GALNTL6: variants seen among roughly 807,000 people sequenced by gnomAD.
The protein encoded by GALNTL6 is polypeptide N-acetylgalactosaminyltransferase-like 6.
In GALNTL6, 46 loss-of-function variants were observed where a neutral mutation model predicts 73.7. That is an observed-to-expected ratio of 0.62 (90% CI 0.49 to 0.80). The LOEUF is 0.80. Among genes scored for constraint, GALNTL6 ranks in the 30% least tolerant of loss-of-function variants. The probability of loss-of-function intolerance (pLI) is 0.00; values close to 1 mark genes in which losing one functional copy is unlikely to be tolerated. For synonymous variants in GALNTL6, 259 were observed against 263.7 expected, an observed-to-expected ratio of 0.98 and a Z score of 0.17; for missense variants, 604 against 755.0, an observed-to-expected ratio of 0.80 and a Z score of 2.34.
chr4:171,822,547 G>A (rs1454676399), intron 2 of GALNTL6, among the ~76,000 whole-genome samples: 3 of 152,110 alleles, frequency 2.0e-5, no homozygotes, highest in African/African-American at 7.2e-5. Context: ...TTTACAAATA[G>A]CAATCTATAC....
intron 5 of GALNTL6, among the ~76,000 whole-genome samples, chr4:172,408,275 A>G (rs1433879088): frequency 2.0e-5 from 3 of 152,006 alleles, no homozygotes; most frequent in Admixed American, 6.6e-5. Flanking sequence ...TGAATTTTCT[A>G]TCTCAAATAG....
At chr4:172,249,320 G>T (rs939438578) in intron 3 of GALNTL6, among the ~76,000 whole-genome samples, 3 of 152,146 alleles carry the variant, frequency 2.0e-5, no homozygotes, top group Non-Finnish European at 2.9e-5. Flanking sequence ...ATGATTTAGG[G>T]TATCTGGCAG....
chr4:172,349,846 T>TA (rs66675725), intron 5 of GALNTL6, among the ~76,000 whole-genome samples: 63,773 of 120,272 alleles, frequency 0.53, 15,412 homozygotes, highest in South Asian at 0.7. Flanking sequence ...TATATATATA[T>TA]TTTTTTTAAA....
chr4:172,216,165 T>C (rs1736490735), intron 2 of GALNTL6, among the ~76,000 whole-genome samples: 1 of 152,194 alleles, frequency 6.6e-6, no homozygotes, highest in African/African-American at 2.4e-5. Context: ...TTTTGAAATA[T>C]ACTATATCAT....
chr4:172,794,074 A>G (rs941701242), intron 5 of GALNTL6, among the ~76,000 whole-genome samples: 1 of 152,152 alleles, frequency 6.6e-6, no homozygotes, highest in Non-Finnish European at 1.5e-5. Context: ...ATCCTGCATC[A>G]TTGTTTTTCA....
chr4:172,378,522 A>G (rs981111264), intron 5 of GALNTL6, among the ~76,000 whole-genome samples: 2 of 152,190 alleles, frequency 1.3e-5, no homozygotes, highest in Admixed American at 6.5e-5. Context: ...TTATTGAAAT[A>G]CCAGTGATTT....
intron 2 of GALNTL6, among the ~76,000 whole-genome samples, chr4:171,942,269 T>TAAATAAATAAATAA (rs1423565851): frequency 0.41 from 58,968 of 143,880 alleles, 14,066 homozygotes; most frequent in Admixed American, 0.51. Flanking sequence ...TAAATAAATA[T>TAAATAAATAAATAA]AATATACAGA....
At chr4:172,282,838 A>C (rs1739110728) in intron 3 of GALNTL6, among the ~76,000 whole-genome samples, 1 of 151,464 alleles carries the variant, frequency 6.6e-6, no homozygotes. Flanking sequence ...TTTGTAAGAC[A>C]AAGAAACAAA....
At chr4:172,410,955 G>A (rs892034593) in intron 5 of GALNTL6, among the ~76,000 whole-genome samples, 2 of 152,102 alleles carry the variant, frequency 1.3e-5, no homozygotes, top group Non-Finnish European at 2.9e-5. Context: ...ATAAATGCAA[G>A]AGTAGCTTTT....
At chr4:172,320,546 T>C (rs1330704843) in intron 4 of GALNTL6, among the ~76,000 whole-genome samples, 1 of 152,160 alleles carries the variant, frequency 6.6e-6, no homozygotes, top group Non-Finnish European at 1.5e-5. Context: ...TTTAGGAAGA[T>C]ACAGCCTAGA....
intron 2 of GALNTL6, among the ~76,000 whole-genome samples, chr4:172,134,157 G>A (rs10030547): frequency 0.44 from 66,514 of 151,786 alleles, 15,149 homozygotes; most frequent in African/African-American, 0.54. Flanking sequence ...GCCGAGGCGG[G>A]CAGATCACGA....
intron 2 of GALNTL6, among the ~76,000 whole-genome samples, chr4:171,846,531 C>A (rs1735375850): frequency 6.6e-6 from 1 of 151,956 alleles, no homozygotes; most frequent in African/African-American, 2.4e-5. Context: ...GGAGTGGCCT[C>A]AGTTAAGTCA....
intron 8 of GALNTL6, among the ~76,000 whole-genome samples, chr4:172,884,954 G>T (rs1025679263): frequency 1.3e-5 from 2 of 151,972 alleles, no homozygotes; most frequent in East Asian, 1.9e-4. Context: ...TTTACTTCTG[G>T]GTTCTCTATT....
chr4:172,457,272 A>T (rs1732432739), intron 5 of GALNTL6, among the ~76,000 whole-genome samples: 1 of 152,178 alleles, frequency 6.6e-6, no homozygotes, highest in Admixed American at 6.5e-5. Context: ...CAAATTGTAA[A>T]GACCATTGAC....
intron 3 of GALNTL6, among the ~76,000 whole-genome samples, chr4:172,308,329 G>T (rs1400184882): frequency 1.3e-5 from 2 of 151,706 alleles, no homozygotes; most frequent in Non-Finnish European, 2.9e-5. Flanking sequence ...TCTTTCTGTT[G>T]TCTGATTGTC....
Position 171,871,337 on chromosome 4 carries a change from A to C in GALNTL6, c.138+56619A>C, listed in dbSNP as rs574849370. On this transcript the variant is annotated intron_variant, in intron 2 of 12. Transcript: ENST00000506823. Reference sequence around the variant, plus strand: ...CAATTAAAACAGTATACTATTATAAAAGTTATGTGAATGTGATCTCAGATA... The same window carrying C: ...CAATTAAAACAGTATACTATTATAACAGTTATGTGAATGTGATCTCAGATA... Among the ~76,000 whole-genome samples the C allele has an allele frequency of 3.3e-5, 5 of 152,334 alleles. No individual in the cohort carries two copies. The South Asian group carries it at 1.0e-3, about 32-fold the overall frequency.
At chr4:172,377,021 T>C (rs1013437798) in intron 5 of GALNTL6, among the ~76,000 whole-genome samples, 2 of 152,078 alleles carry the variant, frequency 1.3e-5, no homozygotes, top group South Asian at 2.1e-4. Context: ...CAAGATTTAT[T>C]GTGAAGAGCG....
chr4:172,014,386 A>T (rs932623280), intron 2 of GALNTL6, among the ~76,000 whole-genome samples: 3 of 152,036 alleles, frequency 2.0e-5, no homozygotes, highest in Non-Finnish European at 2.9e-5. Flanking sequence ...AGCATTTATT[A>T]GTACCTGTCT....
At chr4:172,721,554 G>A (rs183877483) in intron 5 of GALNTL6, among the ~76,000 whole-genome samples, 9 of 152,290 alleles carry the variant, frequency 5.9e-5, no homozygotes, top group Non-Finnish European at 1.0e-4. Context: ...GTCTTCCTTA[G>A]GGAAAGACCA....
Sources: gnomAD v4.1 joint callset for allele counts (sites outside exome capture counted in the v4.1 genomes callset) on GRCh38, gnomAD v4.1.1 for gene constraint, MANE v1.5 for transcripts, NCBI Gene and HGNC (gene_info 2026-07-23, HGNC 2026-07-21) for gene names.